The following ZNF475 variants were observed in gnomAD, a reference collection of about 807,000 sequenced individuals.
ZNF475 encodes the protein zinc finger protein 475.
At chr5:122,170,316 A>C in the ZNF475 span, among the ~76,000 whole-genome samples, 2 of 152,192 alleles carry the variant, frequency 1.3e-5, no homozygotes, top group Non-Finnish European at 2.9e-5. Context: ...CCCCAGCTTC[A>C]GAAGCCAATC....
the ZNF475 span, among the ~76,000 whole-genome samples, chr5:122,160,680 AT>A: frequency 6.6e-6 from 1 of 152,324 alleles, no homozygotes; most frequent in Non-Finnish European, 1.5e-5. Flanking sequence ...AGAGGAGAGA[AT>A]CACATATTAT....
the ZNF475 span, chr5:122,179,752 T>C: frequency 6.8e-7 from 1 of 1,473,030 alleles, no homozygotes. Context: ...GAAAAAAGAT[T>C]TGAGTGCATA....
the ZNF475 span, among the ~76,000 whole-genome samples, chr5:122,173,839 T>A: frequency 6.6e-6 from 1 of 152,248 alleles, no homozygotes; most frequent in Non-Finnish European, 1.5e-5. Context: ...AGTGACTAAC[T>A]TTTTGTAAAA....
chr5:122,174,925 A>T, the ZNF475 span, among the ~76,000 whole-genome samples: 1 of 152,060 alleles, frequency 6.6e-6, no homozygotes, highest in Admixed American at 6.6e-5. Context: ...CATCTTGAAA[A>T]TTTTTCCTTA....
the ZNF475 span, among the ~76,000 whole-genome samples, chr5:122,168,425 T>C: frequency 6.6e-6 from 1 of 152,092 alleles, no homozygotes; most frequent in Non-Finnish European, 1.5e-5. Context: ...ACCAAGATGG[T>C]TTAGTGTATA....
chr5:122,179,845 C>T, the ZNF475 span: 4 of 726,738 alleles, frequency 5.5e-6, no homozygotes, highest in Non-Finnish European at 8.3e-6. Context: ...AACAACATTT[C>T]TTGCCTTGGT....
At chr5:122,160,314 G>A in the ZNF475 span, 1 of 1,267,768 alleles carries the variant, frequency 7.9e-7, no homozygotes, top group Non-Finnish European at 1.0e-6. Flanking sequence ...GCAACCCAAG[G>A]GAATTTGTGT....
the ZNF475 span, among the ~76,000 whole-genome samples, chr5:122,176,646 G>A: frequency 2.6e-5 from 4 of 152,072 alleles, no homozygotes; most frequent in Non-Finnish European, 4.4e-5. Flanking sequence ...ATACACAGAC[G>A]GTCCCTGCAT....
chr5:122,167,472 G>C, the ZNF475 span, among the ~76,000 whole-genome samples: 1 of 152,118 alleles, frequency 6.6e-6, no homozygotes, highest in African/African-American at 2.4e-5. Context: ...AAAGAGTTTA[G>C]AATAGAGATC....
At chr5:122,165,482 A>G in the ZNF475 span, among the ~76,000 whole-genome samples, 1 of 152,092 alleles carries the variant, frequency 6.6e-6, no homozygotes, top group African/African-American at 2.4e-5. Flanking sequence ...TTAATTCTAC[A>G]TGTTGTGACT....
At chr5:122,164,537 G>A in the ZNF475 span, among the ~76,000 whole-genome samples, 22 of 152,252 alleles carry the variant, frequency 1.4e-4, no homozygotes, top group Middle Eastern at 3.4e-3. Context: ...TTGTGTGATA[G>A]CTGTGTGCAG....
chr5:122,164,861 G>C, the ZNF475 span, among the ~76,000 whole-genome samples: 1 of 152,158 alleles, frequency 6.6e-6, no homozygotes, highest in South Asian at 2.1e-4. Flanking sequence ...GTAATTTAAA[G>C]TGAATGGGCT....
At chr5:122,182,583 T>C in the ZNF475 span, 4 of 1,535,760 alleles carry the variant, frequency 2.6e-6, no homozygotes, top group South Asian at 2.4e-5. Flanking sequence ...TGGGCGTACC[T>C]TCCTGCCAGA....
At chr5:122,176,430 A>C in the ZNF475 span, among the ~76,000 whole-genome samples, 1 of 152,168 alleles carries the variant, frequency 6.6e-6, no homozygotes. Context: ...AACAAAATCA[A>C]TGTTTTTCTC....
the ZNF475 span, among the ~76,000 whole-genome samples, chr5:122,182,046 T>C: frequency 2.0e-5 from 3 of 152,202 alleles, no homozygotes; most frequent in Non-Finnish European, 4.4e-5. Context: ...CACTGAAGGA[T>C]TACAGAAAAG....
the ZNF475 span, among the ~76,000 whole-genome samples, chr5:122,173,881 T>C: frequency 6.6e-6 from 1 of 152,226 alleles, no homozygotes; most frequent in African/African-American, 2.4e-5. Context: ...AGAAAAGTAA[T>C]GCCACATCAG....
chr5:122,180,463 A>T, the ZNF475 span, among the ~76,000 whole-genome samples: 5,487 of 152,314 alleles, frequency 0.036, 355 homozygotes, highest in African/African-American at 0.12. Context: ...CTGAAACTAC[A>T]CTGCCATGTT....
chr5:122,166,102 C>T, the ZNF475 span, among the ~76,000 whole-genome samples: 1 of 152,118 alleles, frequency 6.6e-6, no homozygotes, highest in Non-Finnish European at 1.5e-5. Context: ...TCTTTTTGAG[C>T]TGAATGACCC....
At chr5:122,172,265 C>T in the ZNF475 span, among the ~76,000 whole-genome samples, 1 of 152,088 alleles carries the variant, frequency 6.6e-6, no homozygotes, top group African/African-American at 2.4e-5. Context: ...TTAATATTAG[C>T]CAAGACAACA....
Sources: allele counts gnomAD v4.1 joint callset (sites outside exome capture counted in the v4.1 genomes callset), GRCh38; gene constraint gnomAD v4.1.1; transcripts MANE v1.5; gene names NCBI Gene and HGNC (gene_info 2026-07-23, HGNC 2026-07-21).